Variants in CTDSPL observed in about 807,000 individuals in gnomAD.
CTDSPL encodes CTD small phosphatase-like protein.
CTDSPL carries 8 observed loss-of-function variants against 30.5 expected under a neutral mutation model. The observed-to-expected ratio is 0.26, with a 90% CI of 0.15 to 0.47. The LOEUF (loss-of-function observed/expected upper bound fraction) is 0.47, where lower values mean the gene tolerates loss of function less well. CTDSPL is among the 20% of genes least tolerant of loss of function. The pLI is 0.99. For synonymous variants in CTDSPL, 110 were observed against 137.9 expected, an observed-to-expected ratio of 0.80 and a Z score of 1.42; for missense variants, 248 against 366.1, an observed-to-expected ratio of 0.68 and a Z score of 2.63.
intron 1 of CTDSPL, among the ~76,000 whole-genome samples, chr3:37,894,234 A>T (rs112597733): frequency 8.6e-5 from 13 of 151,344 alleles, no homozygotes; most frequent in African/African-American, 3.2e-4. Context: ...GGCACACACC[A>T]CCTTATCCAG....
chr3:37,911,567 T>A (rs779962919), intron 1 of CTDSPL: 14 of 419,454 alleles, frequency 3.3e-5, no homozygotes, highest in Non-Finnish European at 2.4e-5. Flanking sequence ...GAGTAGCTAT[T>A]TCTAATTCCA....
chr3:37,965,704 AC>A (rs1699292512), intron 4 of CTDSPL, among the ~76,000 whole-genome samples: 1 of 152,172 alleles, frequency 6.6e-6, no homozygotes, highest in Admixed American at 6.5e-5. Flanking sequence ...GTGCCCAAAC[AC>A]CTTTCTACCA....
intron 1 of CTDSPL, among the ~76,000 whole-genome samples, chr3:37,895,958 G>T (rs1442221457): frequency 1.3e-5 from 2 of 152,208 alleles, no homozygotes; most frequent in Non-Finnish European, 2.9e-5. Flanking sequence ...AAGAAAAAGT[G>T]AAGTAAAATT....
chr3:37,954,206 G>A (rs965623138), intron 2 of CTDSPL, among the ~76,000 whole-genome samples: 1 of 152,244 alleles, frequency 6.6e-6, no homozygotes, highest in African/African-American at 2.4e-5. Context: ...GAGGCCTTTA[G>A]AGGCAGTTCC....
At chr3:37,946,146 G>A (rs779320681) in intron 1 of CTDSPL, among the ~76,000 whole-genome samples, 9 of 152,336 alleles carry the variant, frequency 5.9e-5, no homozygotes, top group South Asian at 4.1e-4. Context: ...GGACAGTCCC[G>A]GCTGCATTCC....
At chr3:37,936,508 G>T (rs1368055519) in intron 1 of CTDSPL, among the ~76,000 whole-genome samples, 1 of 152,014 alleles carries the variant, frequency 6.6e-6, no homozygotes, top group African/African-American at 2.4e-5. Flanking sequence ...TGTATGCATA[G>T]ACTGCCCAGA....
chr3:37,888,650 C>T (rs1698289713), intron 1 of CTDSPL, among the ~76,000 whole-genome samples: 1 of 152,234 alleles, frequency 6.6e-6, no homozygotes, highest in South Asian at 2.1e-4. Context: ...GACTGGTTTA[C>T]ATAGATTGCG....
At chr3:37,970,870 G>A (rs1258912910) in intron 5 of CTDSPL, among the ~76,000 whole-genome samples, 1 of 152,186 alleles carries the variant, frequency 6.6e-6, no homozygotes, top group Non-Finnish European at 1.5e-5. Context: ...TGACAAGGAA[G>A]CCCCTTCTTG....
chr3:37,864,752 T>G (rs1697990065), intron 1 of CTDSPL, among the ~76,000 whole-genome samples: 1 of 152,120 alleles, frequency 6.6e-6, no homozygotes, highest in African/African-American at 2.4e-5. Flanking sequence ...AATTTTACAT[T>G]ATGTAAAAAT....
chr3:37,893,561 C>A (rs1698354345), intron 1 of CTDSPL, among the ~76,000 whole-genome samples: 1 of 152,114 alleles, frequency 6.6e-6, no homozygotes, highest in Non-Finnish European at 1.5e-5. Flanking sequence ...GGATACCTTG[C>A]CTGTTTTCTT....
chr3:37,981,402 G>C lies in CTDSPL; in HGVS notation c.*535G>C, dbSNP rs959623489. The C allele has an allele frequency of 5.9e-6, 1 of 169,050 alleles. No individual in the cohort carries two copies. Among genetic ancestry groups the C allele is most frequent in the Admixed American group, 5.9e-5 (1 of 16,978 alleles). The allele number at this position is 169,050 out of a possible 1,614,324, so 10.5% of individuals were successfully genotyped here. A position where few individuals can be genotyped will look rare whatever the true frequency, so the allele number is the denominator to read the frequency against. ...TTTTCTAGAACCTGGTAGCGTGTGTGTGTGTGGCGGGGGGTGCTGAGGGAG... is the reference window on the plus strand; with the variant it reads ...TTTTCTAGAACCTGGTAGCGTGTGTCTGTGTGGCGGGGGGTGCTGAGGGAG... On this transcript the variant is annotated 3_prime_UTR_variant, in exon 8 of 8. Coordinates refer to ENST00000273179, the MANE Select transcript of CTDSPL (RefSeq NM_001008392.2).
chr3:37,947,992 A>G (rs904982555), intron 2 of CTDSPL, among the ~76,000 whole-genome samples: 2 of 152,250 alleles, frequency 1.3e-5, no homozygotes, highest in Non-Finnish European at 2.9e-5. Flanking sequence ...AGTTAGAAGT[A>G]TAAGGATGAG....
In CTDSPL at chr3:37,862,086, G is replaced by A; in HGVS notation, c.-114G>A. The stretch of plus-strand genomic sequence containing the variant: ...CGGGGCCGGGCGGCGGGCGCGCCCA[G>A]GCAGCGGCTGCGAGCGCCCCCCCGC... On this transcript the variant is annotated 5_prime_UTR_variant, in exon 1 of 8. Transcript: ENST00000273179. This position sits in a 1 kb window ranked among gnomAD's most constrained non-coding sequence, Gnocchi z 4.3. 4.7e-6 allele frequency: 1 copy of A among 212,116 alleles called. No homozygotes were observed. Among genetic ancestry groups the A allele is most frequent in the Non-Finnish European group, 7.8e-6 (1 of 128,960 alleles). 13.1% of individuals were successfully genotyped at this position (212,116 alleles called of 1,614,324 possible). A position where few individuals can be genotyped will look rare whatever the true frequency, so the allele number is the denominator to read the frequency against.
intron 4 of CTDSPL, among the ~76,000 whole-genome samples, chr3:37,966,931 A>G (rs1699305434): frequency 6.6e-6 from 1 of 152,180 alleles, no homozygotes; most frequent in Non-Finnish European, 1.5e-5. Context: ...TGTTCATTTA[A>G]GTAGTTTTGT....
In CTDSPL at chr3:37,984,122, A is replaced by G; in HGVS notation, c.*3255A>G. 2.2e-6 allele frequency: 1 copy of G among 445,190 alleles called. No homozygotes were observed. Among genetic ancestry groups the G allele is most frequent in the Non-Finnish European group, 4.6e-6 (1 of 217,778 alleles). The allele number at this position is 445,190 out of a possible 1,614,324, so 27.6% of individuals were successfully genotyped here. A position where few individuals can be genotyped will look rare whatever the true frequency, so the allele number is the denominator to read the frequency against. On this transcript the variant is annotated 3_prime_UTR_variant, in exon 8 of 8. Coordinates refer to ENST00000273179, the MANE Select transcript of CTDSPL (RefSeq NM_001008392.2). ...AAAGGTGCTGTGCTGGACAGTTGGC[A>G]TGCCAGGGTTCGAGAAGAGTGAATG...
At chr3:37,914,166 C>T (rs1183402427) in intron 1 of CTDSPL, among the ~76,000 whole-genome samples, 1 of 151,856 alleles carries the variant, frequency 6.6e-6, no homozygotes, top group Non-Finnish European at 1.5e-5. Flanking sequence ...TTTTTATTTA[C>T]TCCTATTTAT....
intron 1 of CTDSPL, among the ~76,000 whole-genome samples, chr3:37,878,540 G>A (rs1033884174): frequency 5.3e-5 from 8 of 152,060 alleles, no homozygotes; most frequent in Non-Finnish European, 1.0e-4. Context: ...AATTTTGATC[G>A]CTTTCCTTAC....
intron 2 of CTDSPL, among the ~76,000 whole-genome samples, chr3:37,948,368 G>A (rs1265580244): frequency 6.6e-6 from 1 of 152,046 alleles, no homozygotes; most frequent in African/African-American, 2.4e-5. Flanking sequence ...AAGAAAACAA[G>A]GGTTACAATA....
rs558362452 is a variant in CTDSPL at position 37,874,139 on chromosome 3, T to TC, written c.79+11863dup. On this transcript the variant is annotated intron_variant, in intron 1 of 7. Coordinates refer to ENST00000273179, the MANE Select transcript of CTDSPL (RefSeq NM_001008392.2). ...TGGCCAGTGACTAGAAGAGTTTGCTTCCAGTCTGGGCTACCCTGAAAGTAG... is the reference window on the plus strand; with the variant it reads ...TGGCCAGTGACTAGAAGAGTTTGCTTCCCAGTCTGGGCTACCCTGAAAGTAG... 4.2e-3 allele frequency among the ~76,000 whole-genome samples: 640 copies of TC among 152,332 alleles called. 3 individuals are homozygous for TC. The highest frequency in any genetic ancestry group is 0.014 in the African/African-American group (574 of 41,578).
Sources: allele counts gnomAD v4.1 joint callset (sites outside exome capture counted in the v4.1 genomes callset), GRCh38; gene constraint gnomAD v4.1.1; non-coding constraint Gnocchi (gnomAD v3.1); transcripts MANE v1.5; gene names NCBI Gene and HGNC (gene_info 2026-07-23, HGNC 2026-07-21).